The following SUPT4H1 variants were observed in gnomAD, a reference collection of about 807,000 sequenced individuals.
SUPT4H1 encodes transcription elongation factor SPT4.
A neutral mutation model predicts 19.4 loss-of-function variants in SUPT4H1; 12 were observed. The observed-to-expected ratio is 0.62, with a 90% CI of 0.40 to 1.00. The LOEUF (loss-of-function observed/expected upper bound fraction) is 1.00. Among genes scored for constraint, SUPT4H1 ranks in the 50% least tolerant of loss-of-function variants. The pLI is 0.00. For missense variants in SUPT4H1, 115 were observed against 149.2 expected, an observed-to-expected ratio of 0.77 and a Z score of 1.19; for synonymous variants, 58 against 56.3, an observed-to-expected ratio of 1.03 and a Z score of -0.14.
At chr17:58,351,341 T>C (rs1972511231) in intron 2 of SUPT4H1, 61 bp downstream of exon 2, 2 of 1,209,058 alleles carry the variant, frequency 1.7e-6, no homozygotes, top group Non-Finnish European at 2.4e-6. Flanking sequence ...GCCCTGCATT[T>C]ACTTCTCTGG....
chr17:58,347,633 G>A, intron 2 of SUPT4H1, 49 bp from the exon 3 acceptor site: 2 of 1,580,850 alleles, frequency 1.3e-6, no homozygotes. Context: ...CCCTGGGCCT[G>A]AGCTCAATTC....
intron 2 of SUPT4H1, 134 bp downstream of exon 2, chr17:58,351,268 A>AC: frequency 3.3e-6 from 2 of 609,938 alleles, no homozygotes; most frequent in Non-Finnish European, 5.7e-6. Context: ...AAAAAAAAAA[A>AC]AAAAAACCCA....
At chr17:58,351,547 G>T in intron 1 of SUPT4H1, 39 bp from the exon 2 acceptor site, 1 of 1,398,750 alleles carries the variant, frequency 7.1e-7, no homozygotes, top group Non-Finnish European at 1.0e-6. Flanking sequence ...GGAGAGATAA[G>T]CATGAACAAG....
At chr17:58,348,704 T>C (rs1972383614) in intron 2 of SUPT4H1, among the ~76,000 whole-genome samples, 1 of 152,150 alleles carries the variant, frequency 6.6e-6, no homozygotes, top group Non-Finnish European at 1.5e-5. Context: ...TCCCTTTATT[T>C]GGAATGTTCT....
At chr17:58,352,008 G>A (rs1249680379) in intron 1 of SUPT4H1, 59 bp downstream of exon 1, 1 of 1,569,868 alleles carries the variant, frequency 6.4e-7, no homozygotes, top group Non-Finnish European at 8.8e-7. Context: ...GCCCCATTCC[G>A]CCCTCTTTCC....
At chr17:58,347,374 A>AT (rs1365619008) in intron 3 of SUPT4H1, 133 bp from the exon 4 acceptor site, 4 of 1,336,934 alleles carry the variant, frequency 3.0e-6, no homozygotes, top group Admixed American at 3.4e-5. Flanking sequence ...CAAGTGTTAA[A>AT]TGACAAGGCA....
intron 2 of SUPT4H1, 138 bp downstream of exon 2, chr17:58,351,264 A>C (rs1972506116): frequency 5.0e-6 from 3 of 602,534 alleles, no homozygotes; most frequent in African/African-American, 1.9e-5. Flanking sequence ...AAAAAAAAAA[A>C]AAAAAAAAAA....
At chr17:58,351,650 A>G (rs1034462681) in intron 1 of SUPT4H1, 142 bp from the exon 2 acceptor site, 3 of 615,134 alleles carry the variant, frequency 4.9e-6, no homozygotes, top group Non-Finnish European at 8.6e-6. Context: ...CCCACCTACT[A>G]CTCTCAAAGC....
In SUPT4H1 at chr17:58,352,153, A is replaced by T; in HGVS notation, c.-18T>A. 1 of 1,613,584 alleles carries T rather than the reference A, an allele frequency of 6.2e-7. No homozygotes were observed. Among genetic ancestry groups the T allele is most frequent in the Non-Finnish European group, 8.5e-7 (1 of 1,179,568 alleles). ...AGGGCCATCTTCGCCGATGGGAAGA[A>T]CAACAGGGAGATAGACGACCACAGC... is the stretch of plus-strand genomic sequence containing the variant. On this transcript the variant is annotated 5_prime_UTR_variant, in exon 1 of 5. Transcript: ENST00000225504.
At position 58,352,182 on chromosome 17, in the gene SUPT4H1, T is replaced by C. The variant is rs1414378069; in HGVS notation, c.-47A>G. On this transcript the variant is annotated 5_prime_UTR_variant, in exon 1 of 5. Coordinates refer to ENST00000225504, the MANE Select transcript of SUPT4H1 (RefSeq NM_003168.3). Reference sequence around the variant, plus strand: ...CAGGGAGATAGACGACCACAGCCTGTGCACCCGCAGGAAGTAAATAGCTCG... The same window carrying C: ...CAGGGAGATAGACGACCACAGCCTGCGCACCCGCAGGAAGTAAATAGCTCG... 8.2e-6 allele frequency: 13 copies of C among 1,587,632 alleles called. No individual in the cohort carries two copies. Among genetic ancestry groups the C allele is most frequent in the East Asian group, 2.2e-5 (1 of 44,630 alleles).
intron 4 of SUPT4H1, 152 bp from the exon 5 acceptor site, chr17:58,346,465 C>G: frequency 1.6e-6 from 1 of 633,874 alleles, no homozygotes; most frequent in Non-Finnish European, 2.9e-6. Context: ...TGGCTCATGC[C>G]TGCAATCTCA....
rs768911299 is a variant in SUPT4H1 at position 58,352,064 on chromosome 17, C to T, written c.69+3G>A. ...GCCCTACAACCAGGTCCCCGACTGA[C>T]ACCTTGACCAGCGAACACAGCAAAC... On this transcript the variant is annotated splice_donor_region_variant and intron_variant, in intron 1 of 4. Coordinates refer to ENST00000225504, the MANE Select transcript of SUPT4H1 (RefSeq NM_003168.3). The T allele has an allele frequency of 1.2e-6, 2 of 1,614,208 alleles. No individual in the cohort carries two copies. The highest frequency in any genetic ancestry group is 8.5e-7 in the Non-Finnish European group (1 of 1,180,020).
intron 2 of SUPT4H1, 174 bp from the exon 3 acceptor site, chr17:58,347,758 C>T (rs753791945): frequency 1.5e-6 from 1 of 651,696 alleles, no homozygotes; most frequent in Non-Finnish European, 2.7e-6. Context: ...AAAAGTTCTT[C>T]ATTCTTATGT....
At position 58,345,887 on chromosome 17, in the gene SUPT4H1, T is replaced by C. The variant is rs1972271535; in HGVS notation, c.*359A>G. 1 of 214,058 alleles carries C rather than the reference T, an allele frequency of 4.7e-6. No individual in the cohort carries two copies. The highest frequency in any genetic ancestry group is 9.6e-6 in the Non-Finnish European group (1 of 104,430). The allele number at this position is 214,058 out of a possible 1,614,324, so 13.3% of individuals were successfully genotyped here. On this transcript the variant is annotated 3_prime_UTR_variant, in exon 5 of 5. Coordinates refer to ENST00000225504, the MANE Select transcript of SUPT4H1 (RefSeq NM_003168.3). Reference sequence around the variant, plus strand: ...TAAGCTATTACTGTGCCTAAGAGAATGGAAGAGGGAGGCAAGGCAGGTGTC... The same window carrying C: ...TAAGCTATTACTGTGCCTAAGAGAACGGAAGAGGGAGGCAAGGCAGGTGTC...
rs1972246497 is a variant in SUPT4H1, at chr17:58,345,367, TG to T, written c.*878del. 1 of 152,116 alleles carries T rather than the reference TG, an allele frequency of 6.6e-6. No individual in the cohort carries two copies. Among genetic ancestry groups the T allele is most frequent in the Non-Finnish European group, 1.5e-5 (1 of 68,006 alleles). The allele number at this position is 152,116 out of a possible 1,614,324, so 9.4% of individuals were successfully genotyped here. ...CTGTGGAAATTTAAATGAGAATTTG[TG>T]GTAAATTTTTTTATCCTAAAACAAC... On this transcript the variant is annotated 3_prime_UTR_variant, in exon 5 of 5. Coordinates refer to ENST00000225504, the MANE Select transcript of SUPT4H1 (RefSeq NM_003168.3).
rs568124021 is a variant in SUPT4H1 at position 58,351,544 on chromosome 17, T to C, written c.70-36A>G. On this transcript the variant is annotated intron_variant, in intron 1 of 4. Coordinates refer to ENST00000225504, the MANE Select transcript of SUPT4H1 (RefSeq NM_003168.3). ...AAGAAAAATAAAGGAAAAGGAGAGA[T>C]AAGCATGAACAAGACCAAGAGAAAA... The C allele has an allele frequency of 4.2e-6, 6 of 1,442,972 alleles. No homozygotes were observed. In the South Asian group the frequency reaches 6.9e-5, roughly 17 times the overall value. The allele number at this position is 1,442,972 out of a possible 1,614,324, so 89.4% of individuals were successfully genotyped here.
intron 1 of SUPT4H1, 174 bp downstream of exon 1, chr17:58,351,893 G>C: frequency 1.5e-6 from 1 of 663,652 alleles, no homozygotes; most frequent in Admixed American, 2.7e-5. Flanking sequence ...TCAGCTGCAA[G>C]ACCTGTCCGC....
chr17:58,351,338 A>G, intron 2 of SUPT4H1, 64 bp downstream of exon 2: 1 of 1,185,642 alleles, frequency 8.4e-7, no homozygotes, highest in Non-Finnish European at 1.2e-6. Flanking sequence ...CTTGCCCTGC[A>G]TTTACTTCTC....
intron 1 of SUPT4H1, 32 bp from the exon 2 acceptor site, chr17:58,351,540 G>C (rs1233969971): frequency 6.1e-6 from 9 of 1,466,542 alleles, no homozygotes; most frequent in Non-Finnish European, 8.6e-6. Context: ...AGGAAAAGGA[G>C]AGATAAGCAT....
Sources: gnomAD v4.1 joint callset for allele counts (sites outside exome capture counted in the v4.1 genomes callset) on GRCh38, gnomAD v4.1.1 for gene constraint, MANE v1.5 for transcripts, NCBI Gene and HGNC (gene_info 2026-07-23, HGNC 2026-07-21) for gene names.